The following CHODL variants were observed in gnomAD, a reference collection of about 807,000 sequenced individuals.
CHODL encodes transmembrane protein MT75.
Under a neutral mutation model 34.5 loss-of-function variants are expected in CHODL, and 29 were observed. The ratio of observed to expected loss-of-function variants is 0.84; its 90% CI spans 0.63 to 1.15. CHODL has a LOEUF of 1.15. Among genes scored for constraint, CHODL ranks in the 50% most tolerant of loss-of-function variants. The pLI, the probability that CHODL is intolerant of heterozygous loss-of-function variation, is 0.00. For synonymous variants in CHODL, 125 were observed against 116.1 expected (o/e 1.08, Z -0.49); for missense variants, 332 against 332.5 (o/e 1.00, Z 0.01).
chr21:18,254,727 T>C (rs2074296451), intron 1 of CHODL, among the ~76,000 whole-genome samples: 1 of 152,150 alleles, frequency 6.6e-6, no homozygotes, highest in African/African-American at 2.4e-5. Flanking sequence ...TGTCTATCTA[T>C]CTATCTAATC....
intron 2 of CHODL, among the ~76,000 whole-genome samples, chr21:18,085,592 G>T (rs1044448627): frequency 2.6e-5 from 4 of 152,058 alleles, no homozygotes; most frequent in African/African-American, 4.8e-5. Flanking sequence ...GTATGGGAAA[G>T]ACTTTATTTC....
upstream of CHODL, among the ~76,000 whole-genome samples, chr21:18,239,877 ATAG>A (rs1462352810): frequency 2.0e-5 from 3 of 152,084 alleles, no homozygotes; most frequent in African/African-American, 7.2e-5. Flanking sequence ...AAATGAGGAT[ATAG>A]CCATTTATTA....
chr21:18,120,931 A>C (rs1363863315), intron 2 of CHODL, among the ~76,000 whole-genome samples: 1 of 152,116 alleles, frequency 6.6e-6, no homozygotes, highest in African/African-American at 2.4e-5. Flanking sequence ...AGCTTAGGGA[A>C]GATGGCATGA....
intron 1 of CHODL, among the ~76,000 whole-genome samples, chr21:17,974,046 C>T (rs1326920063): frequency 6.6e-6 from 1 of 152,070 alleles, no homozygotes; most frequent in Non-Finnish European, 1.5e-5. Context: ...GAGTGAGATT[C>T]CTCCAGGAAG....
intron 2 of CHODL, among the ~76,000 whole-genome samples, chr21:18,042,174 A>T (rs1168236329): frequency 2.0e-5 from 3 of 151,916 alleles, no homozygotes; most frequent in African/African-American, 7.2e-5. Flanking sequence ...CTGTTTAAAA[A>T]TTTTTAATTT....
At chr21:18,164,830 C>T (rs1407618629) in intron 2 of CHODL, among the ~76,000 whole-genome samples, 1 of 152,198 alleles carries the variant, frequency 6.6e-6, no homozygotes, top group Non-Finnish European at 1.5e-5. Context: ...TGTCCCAGTT[C>T]TTCTCACTTG....
chr21:18,008,406 T>G (rs2146408936), intron 1 of CHODL, among the ~76,000 whole-genome samples: 1 of 152,262 alleles, frequency 6.6e-6, no homozygotes. Flanking sequence ...TAATTGTGGG[T>G]ACTATACAGT....
chr21:18,231,794 C>T (rs1463111580), intron 2 of CHODL, among the ~76,000 whole-genome samples: 1 of 151,574 alleles, frequency 6.6e-6, no homozygotes, highest in East Asian at 2.0e-4. Context: ...AGAGACTAGT[C>T]CTACTGTGCT....
At chr21:18,091,158 C>A (rs1025929126) in intron 2 of CHODL, among the ~76,000 whole-genome samples, 3 of 152,204 alleles carry the variant, frequency 2.0e-5, no homozygotes, top group Non-Finnish European at 4.4e-5. Flanking sequence ...ACATTTGGAC[C>A]AGCCCTAGCT....
chr21:18,050,889 C>T (rs947021966), intron 2 of CHODL, among the ~76,000 whole-genome samples: 1 of 150,772 alleles, frequency 6.6e-6, no homozygotes, highest in Non-Finnish European at 1.5e-5. Context: ...ACTAGTGGTC[C>T]CCAGTTAAAA....
intron 1 of CHODL, among the ~76,000 whole-genome samples, chr21:17,963,078 ATAATAAT>A (rs2063545127): frequency 7.1e-6 from 1 of 140,670 alleles, no homozygotes; most frequent in African/African-American, 2.8e-5. Context: ...AAAAAAAATA[ATAATAAT>A]AATAATAATA....
At chr21:18,259,481 G>A (rs572299476) in intron 3 of CHODL, among the ~76,000 whole-genome samples, 28 of 152,212 alleles carry the variant, frequency 1.8e-4, no homozygotes, top group Non-Finnish European at 2.2e-4. Flanking sequence ...GTTTACCCAC[G>A]TAACAAACCT....
upstream of CHODL, among the ~76,000 whole-genome samples, chr21:18,241,245 C>T (rs1227090421): frequency 7.3e-6 from 1 of 136,990 alleles, no homozygotes; most frequent in Admixed American, 7.3e-5. Context: ...AAGCATTACT[C>T]AGATAAAAAA....
intron 1 of CHODL, among the ~76,000 whole-genome samples, chr21:17,962,811 C>T (rs1352291829): frequency 6.6e-6 from 1 of 152,050 alleles, no homozygotes; most frequent in Non-Finnish European, 1.5e-5. Flanking sequence ...TGCCTGTAAT[C>T]CCAGCACTTT....
intron 2 of CHODL, among the ~76,000 whole-genome samples, chr21:18,053,163 A>C (rs1287281869): frequency 1.3e-5 from 2 of 151,938 alleles, no homozygotes; most frequent in African/African-American, 4.8e-5. Context: ...AGTTAAAGCA[A>C]TTATGCCCAA....
intron 2 of CHODL, among the ~76,000 whole-genome samples, chr21:18,090,745 A>C (rs1168663234): frequency 1.4e-5 from 2 of 141,188 alleles, no homozygotes. Flanking sequence ...AAAAAAAAAA[A>C]ACTAAGGCAG....
At chr21:17,978,241 G>A (rs1158013181) in intron 1 of CHODL, among the ~76,000 whole-genome samples, 1 of 151,138 alleles carries the variant, frequency 6.6e-6, no homozygotes, top group Non-Finnish European at 1.5e-5. Context: ...GGCCAGCATG[G>A]TGAAACCCTG....
At chr21:18,082,673 A>G (rs1314741738) in intron 2 of CHODL, among the ~76,000 whole-genome samples, 3 of 152,202 alleles carry the variant, frequency 2.0e-5, no homozygotes, top group Admixed American at 1.3e-4. Flanking sequence ...ATGCTTTAGC[A>G]AAGAGACTGG....
At chr21:17,968,196 T>C (rs983544647) in intron 1 of CHODL, among the ~76,000 whole-genome samples, 5 of 152,222 alleles carry the variant, frequency 3.3e-5, no homozygotes, top group African/African-American at 1.2e-4. Flanking sequence ...TCCTCCTCCA[T>C]AGTCATGCCA....
Sources: allele counts gnomAD v4.1 joint callset (sites outside exome capture counted in the v4.1 genomes callset), GRCh38; gene constraint gnomAD v4.1.1; transcripts MANE v1.5; gene names NCBI Gene and HGNC (gene_info 2026-07-23, HGNC 2026-07-21).